The following MRPS5 variants were observed in gnomAD, a reference collection of about 807,000 sequenced individuals.
MRPS5 encodes mitochondrial ribosomal protein S5, also known as small ribosomal subunit protein uS5m.
A neutral mutation model predicts 51.9 loss-of-function variants in MRPS5; 27 were observed. The ratio of observed to expected loss-of-function variants is 0.52; its 90% confidence interval spans 0.38 to 0.72. The LOEUF (loss-of-function observed/expected upper bound fraction) is 0.72, where lower values mean the gene tolerates loss of function less well. Among genes scored for constraint, MRPS5 ranks in the 30% least tolerant of loss-of-function variants. The pLI is 0.00. For missense variants in MRPS5, 570 were observed against 545.7 expected (o/e 1.04, Z -0.44); for synonymous variants, 196 against 193.2 (o/e 1.01, Z -0.12).
intron 11 of MRPS5, among the ~76,000 whole-genome samples, chr2:95,088,684 T>C (rs1675370287): frequency 6.6e-6 from 1 of 152,248 alleles, no homozygotes; most frequent in Non-Finnish European, 1.5e-5. Context: ...AATGCAACCT[T>C]TTATAGCTGA....
chr2:95,096,178 T>C (rs1281857229), intron 10 of MRPS5, among the ~76,000 whole-genome samples: 1 of 152,160 alleles, frequency 6.6e-6, no homozygotes, highest in Non-Finnish European at 1.5e-5. Flanking sequence ...GGCTCTGAAA[T>C]TGAGGCAATA....
In MRPS5 at chr2:95,090,453, G is replaced by A. The variant is rs1391525411; in HGVS notation, c.1001C>T (p.Ala334Val). 5 of 1,614,036 alleles carry A rather than the reference G, an allele frequency of 3.1e-6. No individual in the cohort carries two copies. In the Admixed American group the frequency reaches 6.7e-5, roughly 22 times the overall value. The change falls in exon 11 of 12, where the codon GCC (alanine) becomes GTC (valine). Residue 334 changes from alanine (A) to valine (V), a missense_variant. Transcript: ENST00000272418. Reference sequence around the variant, plus strand: ...CATATTAATGGACCCAGAGACCTTGGCATACATGTCTTTGATGCCAATGAG... The same window carrying A: ...CATATTAATGGACCCAGAGACCTTGACATACATGTCTTTGATGCCAATGAG... ...CRLIGIKDMYAKVSGSINMLS... is the reference protein window; with the variant it reads ...CRLIGIKDMYVKVSGSINMLS...
intron 10 of MRPS5, among the ~76,000 whole-genome samples, chr2:95,095,099 C>T (rs1675583209): frequency 6.6e-6 from 1 of 152,194 alleles, no homozygotes; most frequent in Non-Finnish European, 1.5e-5. Flanking sequence ...ATAAAACAGA[C>T]TTTAAACCAA....
At chr2:95,108,878 T>A (rs1431482103) in intron 4 of MRPS5, among the ~76,000 whole-genome samples, 5 of 152,162 alleles carry the variant, frequency 3.3e-5, no homozygotes, top group East Asian at 1.9e-4. Context: ...AAATTTTTTT[T>A]AAAAAAGAAG....
In MRPS5 at chr2:95,117,878, A is replaced by G; in HGVS notation, c.126T>C (p.Ser42=). 1 of 1,608,068 alleles carries G rather than the reference A, an allele frequency of 6.2e-7. No homozygotes were observed. The highest frequency in any genetic ancestry group is 8.5e-7 in the Non-Finnish European group (1 of 1,178,456). ...LPAASILAWK[S]VLGNGHLSSL... ...AATGAATCTCACCATTGCCGAGAAC[A>G]CTCTTCCATGCCAAAATGGAAGCTG... Residue 42 remains serine, a synonymous_variant, in exon 2 of 12, where the codon AGT becomes AGC. Coordinates refer to ENST00000272418, the MANE Select transcript of MRPS5 (RefSeq NM_031902.5).
In MRPS5 at chr2:95,086,298, A is replaced by C. The variant is rs188817426; in HGVS notation, c.*1059T>G. On this transcript the variant is annotated 3_prime_UTR_variant, in exon 12 of 12. Transcript: ENST00000272418. Reference sequence around the variant, plus strand: ...AAACACTCTTGAAGCCATTTAAAGAAAAAAAAAGTCTCAGCAAATAGCCTC... The same window carrying C: ...AAACACTCTTGAAGCCATTTAAAGACAAAAAAAGTCTCAGCAAATAGCCTC... Among the ~76,000 whole-genome samples the C allele has an allele frequency of 1.3e-5, 2 of 152,250 alleles. No homozygotes were observed. Among genetic ancestry groups the C allele is most frequent in the African/African-American group, 4.8e-5 (2 of 41,544 alleles).
At chr2:95,107,273 T>C (rs1381112563) in intron 5 of MRPS5, among the ~76,000 whole-genome samples, 1 of 152,180 alleles carries the variant, frequency 6.6e-6, no homozygotes, top group African/African-American at 2.4e-5. Context: ...CTGGAGGCCA[T>C]AATCATCAAT....
At chr2:95,113,043 C>T (rs1676170802) in intron 3 of MRPS5, among the ~76,000 whole-genome samples, 1 of 151,270 alleles carries the variant, frequency 6.6e-6, no homozygotes, top group African/African-American at 2.4e-5. Context: ...TGCTTCATGT[C>T]ACTGAGGAAG....
chr2:95,098,079 C>G (rs1230356717), intron 10 of MRPS5, among the ~76,000 whole-genome samples: 1 of 152,158 alleles, frequency 6.6e-6, no homozygotes, highest in Non-Finnish European at 1.5e-5. Flanking sequence ...ATTTATGCAG[C>G]CAACAGACAC....
At chr2:95,111,657 A>T (rs1223346309) in intron 3 of MRPS5, among the ~76,000 whole-genome samples, 2 of 152,200 alleles carry the variant, frequency 1.3e-5, no homozygotes, top group African/African-American at 4.8e-5. Context: ...AGCTATTTTT[A>T]AAAATCTGGA....
rs765387041 is a variant in MRPS5 at position 95,106,331 on chromosome 2, G to A, written c.672+92C>T. On this transcript the variant is annotated intron_variant, in intron 6 of 11. Coordinates refer to ENST00000272418, the MANE Select transcript of MRPS5 (RefSeq NM_031902.5). The stretch of plus-strand genomic sequence containing the variant: ...TGTCAGAAATAGTCATGCATCCAAG[G>A]CCTTCCCTTACAGTTCCTCTTGCCC... 40 of 1,029,820 alleles carry A rather than the reference G, an allele frequency of 3.9e-5. No individual in the cohort carries two copies. The Middle Eastern group carries it at 1.1e-3, about 27-fold the overall frequency. The allele number at this position is 1,029,820 out of a possible 1,614,324, so 63.8% of individuals were successfully genotyped here. A position where few individuals can be genotyped will look rare whatever the true frequency, so the allele number is the denominator to read the frequency against.
intron 2 of MRPS5, among the ~76,000 whole-genome samples, chr2:95,117,051 G>C (rs1676306041): frequency 1.3e-5 from 2 of 151,984 alleles, no homozygotes; most frequent in East Asian, 1.9e-4. Context: ...TGAGGCAGGA[G>C]AATCGCTTGA....
At chr2:95,087,686 G>C (rs1675337967) in intron 11 of MRPS5, 105 bp from the exon 12 acceptor site, 1 of 919,310 alleles carries the variant, frequency 1.1e-6, no homozygotes, top group Admixed American at 2.8e-5. Context: ...GGTATTCAAA[G>C]GCCATTTCAG....
At chr2:95,112,981 G>A (rs1386320540) in intron 3 of MRPS5, among the ~76,000 whole-genome samples, 4 of 151,672 alleles carry the variant, frequency 2.6e-5, no homozygotes, top group Non-Finnish European at 4.4e-5. Context: ...CTCCAGCCTG[G>A]GCGACAGAGG....
Position 95,110,053 on chromosome 2 carries a change from C to T in MRPS5, c.278-12G>A, listed in dbSNP as rs760644443. ...CTCATCTGCAGTCACTGTAACGAAACAGGGTTTCTTTTCTTAATTCTGTAG... is the reference window on the plus strand; with the variant it reads ...CTCATCTGCAGTCACTGTAACGAAATAGGGTTTCTTTTCTTAATTCTGTAG... On this transcript the variant is annotated splice_polypyrimidine_tract_variant and intron_variant, in intron 3 of 11. Transcript: ENST00000272418. 66 of 1,602,548 alleles carry T rather than the reference C, an allele frequency of 4.1e-5. No individual in the cohort carries two copies. The South Asian group carries it at 6.6e-4, about 16-fold the overall frequency.
At position 95,104,799 on chromosome 2, in the gene MRPS5, G is replaced by A. The variant is rs570725298; in HGVS notation, c.673-69C>T. On this transcript the variant is annotated intron_variant, in intron 6 of 11. Transcript: ENST00000272418. The stretch of plus-strand genomic sequence containing the variant: ...CTGAAGGAGGGAACTGGAGGGAGCC[G>A]CCTTCCTTGCAGGCATACACGGTGA... 4.0e-5 allele frequency: 56 copies of A among 1,417,024 alleles called. No homozygotes were observed. In the Admixed American group the frequency reaches 4.3e-4, roughly 11 times the overall value. 87.8% of individuals were successfully genotyped at this position (1,417,024 alleles called of 1,614,324 possible).
chr2:95,119,584 C>A (rs1676382214), intron 1 of MRPS5, among the ~76,000 whole-genome samples: 1 of 151,254 alleles, frequency 6.6e-6, no homozygotes, highest in Non-Finnish European at 1.5e-5. Context: ...TGCACTTCTA[C>A]CTGGGCAATG....
intron 3 of MRPS5, 22 bp from the exon 4 acceptor site, chr2:95,110,063 TTTC>T: frequency 1.9e-6 from 3 of 1,600,536 alleles, no homozygotes; most frequent in Non-Finnish European, 2.5e-6. Flanking sequence ...CAGGGTTTCT[TTTC>T]TTAATTCTGT....
chr2:95,089,189 GA>G (rs964812457), intron 11 of MRPS5, among the ~76,000 whole-genome samples: 1 of 152,166 alleles, frequency 6.6e-6, no homozygotes, highest in African/African-American at 2.4e-5. Flanking sequence ...CAAGTGCTCT[GA>G]AGGGTGTTTT....
Sources: gnomAD v4.1 joint callset for allele counts (sites outside exome capture counted in the v4.1 genomes callset) on GRCh38, gnomAD v4.1.1 for gene constraint, MANE v1.5 for transcripts, NCBI Gene and HGNC (gene_info 2026-07-23, HGNC 2026-07-21) for gene names.